Variants in ZFAND4 observed in about 807,000 individuals in gnomAD.
ZFAND4 encodes AN1-type zinc finger protein 4.
ZFAND4 carries 43 observed loss-of-function variants against 64.4 expected under a neutral mutation model. The ratio of observed to expected loss-of-function variants is 0.67; its 90% confidence interval spans 0.52 to 0.86. The LOEUF (loss-of-function observed/expected upper bound fraction) is 0.86, where lower values mean the gene tolerates loss of function less well. Among genes scored for constraint, ZFAND4 ranks in the 40% least tolerant of loss-of-function variants. The pLI, the probability that ZFAND4 is intolerant of heterozygous loss-of-function variation, is 0.00. For missense variants in ZFAND4, 929 were observed against 859.8 expected, an observed-to-expected ratio of 1.08 and a Z score of -1.01; for synonymous variants, 296 against 305.7, an observed-to-expected ratio of 0.97 and a Z score of 0.33.
intron 1 of ZFAND4, among the ~76,000 whole-genome samples, chr10:45,668,927 A>G (rs2049004797): frequency 6.6e-6 from 1 of 152,240 alleles, no homozygotes; most frequent in Admixed American, 6.5e-5. Flanking sequence ...ATAGCACTAA[A>G]TGCCCACAAG....
At chr10:45,640,829 A>G (rs895162434) in intron 5 of ZFAND4, among the ~76,000 whole-genome samples, 1 of 152,186 alleles carries the variant, frequency 6.6e-6, no homozygotes, top group Non-Finnish European at 1.5e-5. Context: ...AAATTTTTCT[A>G]AGTGTGTTTG....
At chr10:45,640,150 T>C in intron 5 of ZFAND4, 187 bp from the exon 6 acceptor site, 1 of 1,271,714 alleles carries the variant, frequency 7.9e-7, no homozygotes. Flanking sequence ...GAAATGGGAA[T>C]AAATATTATG....
chr10:45,665,426 A>G (rs2048757233), intron 1 of ZFAND4, among the ~76,000 whole-genome samples: 1 of 152,128 alleles, frequency 6.6e-6, no homozygotes, highest in African/African-American at 2.4e-5. Context: ...CTGTAGTCCC[A>G]GCTACTCGGG....
chr10:45,664,237 C>G (rs908666304), intron 1 of ZFAND4, among the ~76,000 whole-genome samples: 6 of 151,474 alleles, frequency 4.0e-5, no homozygotes, highest in Admixed American at 2.6e-4. Context: ...TCTTCTATAC[C>G]ATATAAAGCA....
In ZFAND4 at chr10:45,616,528, G is replaced by C; in HGVS notation, c.2092C>G (p.His698Asp). ...FCASHRYAETHGCTYDYKSAG... is the reference protein window; with the variant it reads ...FCASHRYAETDGCTYDYKSAG... ...CTCTTGTAATCATAGGTACAGCCATGAGTTTCTGCATAACGATGAGATGCA... is the reference window on the plus strand; with the variant it reads ...CTCTTGTAATCATAGGTACAGCCATCAGTTTCTGCATAACGATGAGATGCA... The change falls in exon 10 of 10, where the codon CAT becomes GAT. Residue 698 changes from histidine to aspartate, a missense_variant. Coordinates refer to ENST00000344646, the MANE Select transcript of ZFAND4 (RefSeq NM_174890.4). 1 of 1,614,174 alleles carries C rather than the reference G, an allele frequency of 6.2e-7. No individual in the cohort carries two copies. Among genetic ancestry groups the C allele is most frequent in the Non-Finnish European group, 8.5e-7 (1 of 1,180,026 alleles).
intron 2 of ZFAND4, among the ~76,000 whole-genome samples, chr10:45,659,949 A>G (rs7087287): frequency 0.97 from 148,129 of 152,118 alleles, 72,242 homozygotes; most frequent in East Asian, 1. Context: ...AGGCCGAGAC[A>G]GGCGGATCCC....
intron 2 of ZFAND4, among the ~76,000 whole-genome samples, chr10:45,653,715 G>A (rs1007636318): frequency 9.2e-5 from 14 of 152,274 alleles, no homozygotes; most frequent in Middle Eastern, 6.8e-3. Flanking sequence ...ATACACTGCT[G>A]GTGGGAATGC....
At chr10:45,658,431 T>C (rs1409514350) in intron 2 of ZFAND4, among the ~76,000 whole-genome samples, 1 of 152,232 alleles carries the variant, frequency 6.6e-6, no homozygotes, top group Non-Finnish European at 1.5e-5. Context: ...TCCAAAATCG[T>C]GTAACTTTCT....
At chr10:45,619,025 T>C (rs914730591) in intron 8 of ZFAND4, among the ~76,000 whole-genome samples, 1 of 152,046 alleles carries the variant, frequency 6.6e-6, no homozygotes, top group Non-Finnish European at 1.5e-5. Flanking sequence ...TCTGTTATTA[T>C]ATAAGAAAGA....
chr10:45,643,500 C>T (rs2047168654), intron 5 of ZFAND4, among the ~76,000 whole-genome samples: 1 of 151,386 alleles, frequency 6.6e-6, no homozygotes, highest in South Asian at 2.1e-4. Flanking sequence ...GAAACCCCGT[C>T]TCTGCTAAAA....
At chr10:45,644,756 T>C (rs767742463) in intron 5 of ZFAND4, among the ~76,000 whole-genome samples, 1 of 152,212 alleles carries the variant, frequency 6.6e-6, no homozygotes, top group Non-Finnish European at 1.5e-5. Context: ...CTCTGTGTTA[T>C]TGTTTATTGA....
chr10:45,630,503 G>A (rs567053863), intron 6 of ZFAND4, among the ~76,000 whole-genome samples: 16 of 152,098 alleles, frequency 1.1e-4, no homozygotes, highest in African/African-American at 3.1e-4. Flanking sequence ...AGGCCGAGGC[G>A]GATCACGAGG....
In ZFAND4 at chr10:45,652,637, C is replaced by G. The variant is rs2047833626; in HGVS notation, c.260+347G>C. On this transcript the variant is annotated intron_variant, in intron 3 of 9. Coordinates refer to ENST00000344646, the MANE Select transcript of ZFAND4 (RefSeq NM_174890.4). ...AAGAACAATTCTCTCTTATCCAAAA[C>G]TCTTGTAAAAACAGAAAGAAAGGAA... Among the ~76,000 whole-genome samples, 3 of 152,034 alleles carry G rather than the reference C, an allele frequency of 2.0e-5. No homozygotes were observed. In the South Asian group the frequency reaches 6.2e-4, roughly 31 times the overall value.
chr10:45,619,827 G>A (rs2045281578), intron 8 of ZFAND4, among the ~76,000 whole-genome samples: 1 of 152,066 alleles, frequency 6.6e-6, no homozygotes, highest in Non-Finnish European at 1.5e-5. Flanking sequence ...TGAAACAATT[G>A]AGAGACTCCT....
chr10:45,623,582 T>C (rs540865659), intron 8 of ZFAND4, among the ~76,000 whole-genome samples: 3 of 152,296 alleles, frequency 2.0e-5, no homozygotes, highest in South Asian at 4.1e-4. Context: ...TCCACTTACA[T>C]AGGTACTTAG....
chr10:45,624,585 A>T lies in ZFAND4; in HGVS notation c.1925T>A (p.Val642Glu). The T allele has an allele frequency of 1.9e-6, 3 of 1,613,794 alleles. No homozygotes were observed. The highest frequency in any genetic ancestry group is 2.5e-6 in the Non-Finnish European group (3 of 1,179,840). ...NGNNAAAGKSVGECTTHHLPP... is the reference protein window; with the variant it reads ...NGNNAAAGKSEGECTTHHLPP... ...TTTCAAAATTATCTGTAGCTTACCT[A>T]CGCTTTTCCCTGCTGCTGCATTATT... The change falls in exon 8 of 10, where the codon GTA becomes GAA. Residue 642 changes from valine (V) to glutamate (E), a missense_variant and splice_region_variant. Transcript: ENST00000344646.
chr10:45,651,595 C>CA (rs1191609239), intron 4 of ZFAND4: 1 of 473,178 alleles, frequency 2.1e-6, no homozygotes, highest in Non-Finnish European at 4.4e-6. Context: ...TGGAATTTTG[C>CA]AAAACGATCA....
rs2048620436 is a variant in ZFAND4, at chr10:45,663,661, A to G, written c.65T>C (p.Leu22Pro). 1 of 1,611,144 alleles carries G rather than the reference A, an allele frequency of 6.2e-7. No homozygotes were observed. The highest frequency in any genetic ancestry group is 2.2e-5 in the East Asian group (1 of 44,724). The change falls in exon 2 of 10, where the codon CTT becomes CCT. Residue 22 changes from leucine to proline, a missense_variant. Transcript: ENST00000344646. Reference sequence around the variant, plus strand: ...GAGCTCCATGGTATCACAGAAATGAAGTCTGTAGTAAAATGGTCCCATGTT... The same window carrying G: ...GAGCTCCATGGTATCACAGAAATGAGGTCTGTAGTAAAATGGTCCCATGTT... Reference protein sequence around the residue: ...DDNMGPFYYRLHFCDTMELFI... With the variant: ...DDNMGPFYYRPHFCDTMELFI...
In ZFAND4 at chr10:45,616,297, T is replaced by TG; in HGVS notation, c.*138dup. ...AAGATGTAAAATACAGTAGCATTCT[T>TG]GTTCTCCAACAGTATGCATTGTATG... On this transcript the variant is annotated 3_prime_UTR_variant, in exon 10 of 10. Transcript: ENST00000344646. The TG allele has an allele frequency of 8.7e-7, 1 of 1,149,116 alleles. No homozygotes were observed. 71.2% of individuals were successfully genotyped at this position (1,149,116 alleles called of 1,614,324 possible). A position where few individuals can be genotyped will look rare whatever the true frequency, so the allele number is the denominator to read the frequency against.
Sources: gnomAD v4.1 joint callset for allele counts (sites outside exome capture counted in the v4.1 genomes callset) on GRCh38, gnomAD v4.1.1 for gene constraint, MANE v1.5 for transcripts, NCBI Gene and HGNC (gene_info 2026-07-23, HGNC 2026-07-21) for gene names.